The following KIAA1549 variants were observed in gnomAD, a reference collection of about 807,000 sequenced individuals.
KIAA1549 encodes the protein KIAA1549, also known as UPF0606 protein KIAA1549.
KIAA1549 carries 70 observed loss-of-function variants against 156.4 expected under a neutral mutation model. The ratio of observed to expected loss-of-function variants is 0.45; its 90% CI spans 0.37 to 0.55. The LOEUF (loss-of-function observed/expected upper bound fraction) is 0.55, where lower values mean the gene tolerates loss of function less well. Ranked by LOEUF, KIAA1549 falls within the 20% of genes least tolerant of loss-of-function variation. KIAA1549 has a pLI of 0.00. For missense variants in KIAA1549, 2,428 were observed against 2,540.9 expected (o/e 0.96, Z 0.96); for synonymous variants, 1,103 against 1,066.4 (o/e 1.03, Z -0.67).
At chr7:138,978,553 G>A (rs1452021685) in intron 1 of KIAA1549, among the ~76,000 whole-genome samples, 1 of 152,064 alleles carries the variant, frequency 6.6e-6, no homozygotes. Flanking sequence ...TTAACATAGA[G>A]ATTTAACCAA....
At position 138,832,968 on chromosome 7, in the gene KIAA1549, G is replaced by A. The variant is rs758005782; in HGVS notation, c.*4938C>T. 9 of 230,978 alleles carry A rather than the reference G, an allele frequency of 3.9e-5. No homozygotes were observed. Among genetic ancestry groups the A allele is most frequent in the South Asian group, 1.8e-4 (1 of 5,494 alleles). 14.3% of individuals were successfully genotyped at this position (230,978 alleles called of 1,614,324 possible). Reference sequence around the variant, plus strand: ...CTGCTCATAGAAACCCTGTTAGAACGTGTTAACATGTTAGATTAAATGTAA... The same window carrying A: ...CTGCTCATAGAAACCCTGTTAGAACATGTTAACATGTTAGATTAAATGTAA... On this transcript the variant is annotated 3_prime_UTR_variant, in exon 20 of 20. Coordinates refer to ENST00000422774, the MANE Select transcript of KIAA1549 (RefSeq NM_001164665.2).
chr7:138,960,291 A>T (rs953663595), intron 1 of KIAA1549, among the ~76,000 whole-genome samples: 1 of 84,188 alleles, frequency 1.2e-5, no homozygotes, highest in African/African-American at 6.3e-5. Context: ...ATTTTATTTT[A>T]TTGATTTATT....
At chr7:138,922,180 G>A (rs369832312) in intron 1 of KIAA1549, among the ~76,000 whole-genome samples, 1 of 152,184 alleles carries the variant, frequency 6.6e-6, no homozygotes, top group African/African-American at 2.4e-5. Context: ...TGTACGAAAC[G>A]TCATCCCGAG....
intron 1 of KIAA1549, among the ~76,000 whole-genome samples, chr7:138,972,468 T>C (rs951280161): frequency 6.7e-6 from 1 of 149,414 alleles, no homozygotes; most frequent in African/African-American, 2.5e-5. Flanking sequence ...TCCTACCTCA[T>C]CCAGACCACC....
intron 16 of KIAA1549, among the ~76,000 whole-genome samples, chr7:138,859,711 C>G (rs1252004313): frequency 6.6e-6 from 1 of 152,208 alleles, no homozygotes; most frequent in Non-Finnish European, 1.5e-5. Context: ...CAGTTCACTT[C>G]TCATTGACCC....
intron 2 of KIAA1549, among the ~76,000 whole-genome samples, chr7:138,913,962 G>A (rs1047605214): frequency 6.6e-6 from 1 of 150,570 alleles, no homozygotes; most frequent in South Asian, 2.1e-4. Flanking sequence ...CAGGAAGGAG[G>A]AGGGGACAGA....
At chr7:138,897,522 A>G (rs1414878180) in intron 9 of KIAA1549, among the ~76,000 whole-genome samples, 3 of 152,110 alleles carry the variant, frequency 2.0e-5, no homozygotes, top group African/African-American at 4.8e-5. Context: ...CCCTCTAAAC[A>G]TTTACCTCTC....
At position 138,911,224 on chromosome 7, in the gene KIAA1549, C is replaced by G. The variant is rs898283973; in HGVS notation, c.3067G>C (p.Val1023Leu). ...AGGATTAAAGGAGTCTGGTCACGGACAAGCTTACTGTTTATAAGCACATTT... is the reference window on the plus strand; with the variant it reads ...AGGATTAAAGGAGTCTGGTCACGGAGAAGCTTACTGTTTATAAGCACATTT... Reference protein sequence around the residue: ...VINVLINSKLVRDQTPLILSV... With the variant: ...VINVLINSKLLRDQTPLILSV... The change falls in exon 4 of 20, where the codon GTC becomes CTC. Residue 1023 changes from valine to leucine, a missense_variant. Val to Leu is a conservative substitution (Grantham distance 32, BLOSUM62 1). This residue lies in a region of KIAA1549 where 762 missense variants were observed against 901.6 expected (regional missense o/e 0.85). Coordinates refer to ENST00000422774, the MANE Select transcript of KIAA1549 (RefSeq NM_001164665.2). The G allele has an allele frequency of 1.2e-6, 2 of 1,600,346 alleles. No homozygotes were observed. Among genetic ancestry groups the G allele is most frequent in the African/African-American group, 2.7e-5 (2 of 74,678 alleles).
chr7:138,861,230 G>A lies in KIAA1549; in HGVS notation c.5156C>T (p.Pro1719Leu). ...TTCCTGGGAAGGGGTGCTGTTTGCG[G>A]GCAGGCCGGGTGGGACTCCGGGGCC... ...GVGPGVPPGL[P>L]ANSTPSQEER... The change falls in exon 16 of 20, where the codon CCC (proline) becomes CTC (leucine). Residue 1719 changes from proline (P) to leucine (L), a missense_variant. This residue lies in a region of KIAA1549 where 363 missense variants were observed against 354.0 expected (regional missense o/e 1.03). Coordinates refer to ENST00000422774, the MANE Select transcript of KIAA1549 (RefSeq NM_001164665.2). The A allele has an allele frequency of 6.2e-7, 1 of 1,613,240 alleles. No homozygotes were observed.
intron 1 of KIAA1549, among the ~76,000 whole-genome samples, chr7:138,926,135 T>C (rs1367529195): frequency 6.6e-6 from 1 of 152,166 alleles, no homozygotes; most frequent in East Asian, 1.9e-4. Flanking sequence ...TTCTAAAACA[T>C]GATGAGTCAT....
intron 9 of KIAA1549, among the ~76,000 whole-genome samples, chr7:138,898,575 C>T (rs1811754205): frequency 6.6e-6 from 1 of 152,118 alleles, no homozygotes; most frequent in Non-Finnish European, 1.5e-5. Context: ...GACTCACTGT[C>T]CCCGCCAATG....
At chr7:138,928,046 G>A (rs796713610) in intron 1 of KIAA1549, among the ~76,000 whole-genome samples, 10 of 150,672 alleles carry the variant, frequency 6.6e-5, no homozygotes, top group African/African-American at 2.4e-4. Flanking sequence ...TCAGCCTCCC[G>A]AGTAGCTGGG....
At chr7:138,966,989 C>T (rs1009404360) in intron 1 of KIAA1549, among the ~76,000 whole-genome samples, 38 of 152,138 alleles carry the variant, frequency 2.5e-4, no homozygotes, top group African/African-American at 8.2e-4. Context: ...CCATTTTCAA[C>T]GAGGCTCCCT....
chr7:138,889,632 C>T (rs1006969747), intron 10 of KIAA1549, among the ~76,000 whole-genome samples: 1 of 152,310 alleles, frequency 6.6e-6, no homozygotes, highest in African/African-American at 2.4e-5. Flanking sequence ...AAGAAAACGG[C>T]ACGTGTCATA....
At chr7:138,943,931 G>A (rs1813268387) in intron 1 of KIAA1549, among the ~76,000 whole-genome samples, 1 of 151,454 alleles carries the variant, frequency 6.6e-6, no homozygotes, top group South Asian at 2.1e-4. Flanking sequence ...TACTCTCTTA[G>A]CATTTTTTTT....
Position 138,833,009 on chromosome 7 carries a change from G to A in KIAA1549, c.*4897C>T, listed in dbSNP as rs1249969183. 1 of 231,816 alleles carries A rather than the reference G, an allele frequency of 4.3e-6. No individual in the cohort carries two copies. The highest frequency in any genetic ancestry group is 8.5e-6 in the Non-Finnish European group (1 of 117,296). 14.4% of individuals were successfully genotyped at this position (231,816 alleles called of 1,614,324 possible). On this transcript the variant is annotated 3_prime_UTR_variant, in exon 20 of 20. Transcript: ENST00000422774. ...TTAAATGTAAAAATGAAGTTCAGTT[G>A]ACTATGCCATAGAAATGTGTTTTGT...
intron 10 of KIAA1549, among the ~76,000 whole-genome samples, chr7:138,883,894 G>T (rs769189267): frequency 2.0e-5 from 3 of 152,080 alleles, no homozygotes; most frequent in Non-Finnish European, 2.9e-5. Flanking sequence ...CCTAAAATAC[G>T]TGGAGTCTCC....
At chr7:138,844,024 G>GCTCAGACCTAGATC (rs1380179055) in intron 18 of KIAA1549, among the ~76,000 whole-genome samples, 1 of 152,140 alleles carries the variant, frequency 6.6e-6, no homozygotes, top group Non-Finnish European at 1.5e-5. Context: ...CATCCAAAGT[G>GCTCAGACCTAGATC]CTCAGACCTA....
chr7:138,940,964 T>G (rs1237558013), intron 1 of KIAA1549, among the ~76,000 whole-genome samples: 1 of 152,190 alleles, frequency 6.6e-6, no homozygotes, highest in Non-Finnish European at 1.5e-5. Flanking sequence ...ATTCTGTAGG[T>G]TGCCTGTTCA....
Sources: gnomAD v4.1 joint callset for allele counts (sites outside exome capture counted in the v4.1 genomes callset) on GRCh38, gnomAD v4.1.1 for gene constraint, gnomAD v4.1.1 regional missense constraint, MANE v1.5 for transcripts, NCBI Gene and HGNC (gene_info 2026-07-23, HGNC 2026-07-21) for gene names.